RPL37: variants seen among roughly 807,000 people sequenced by gnomAD.
The protein encoded by RPL37 is large ribosomal subunit protein eL37.
Under a neutral mutation model 14.8 loss-of-function variants are expected in RPL37, and 1 was observed. That is an observed-to-expected ratio of 0.07 (90% CI 0.02 to 0.32). The LOEUF is 0.32. Among genes scored for constraint, RPL37 ranks in the 10% least tolerant of loss-of-function variants. RPL37 has a pLI of 1.00. For missense variants in RPL37, 100 were observed against 128.3 expected (o/e 0.78, Z 1.06); for synonymous variants, 53 against 45.8 (o/e 1.16, Z -0.63).
rs150453721 is a variant in RPL37, at chr5:40,834,622, A to G, written c.4-16T>C. The G allele has an allele frequency of 2.5e-6, 4 of 1,594,450 alleles. No homozygotes were observed. The African/African-American group carries it at 5.4e-5, about 22-fold the overall frequency. On this transcript the variant is annotated splice_polypyrimidine_tract_variant and intron_variant, in intron 1 of 3. Coordinates refer to ENST00000274242, the MANE Select transcript of RPL37 (RefSeq NM_000997.5). ...TTCCCTTCGTCTGCACATTAAAGGA[A>G]TAAATAGTTCTGAAACCTGGCAACT...
At chr5:40,834,945 A>ACT in intron 1 of RPL37, 2 of 633,818 alleles carry the variant, frequency 3.2e-6, no homozygotes, top group Middle Eastern at 2.7e-4. Flanking sequence ...AAAGGTCTCC[A>ACT]AAGGTTGGAC....
In RPL37 at chr5:40,830,309, AG is replaced by A. The variant is rs1373340702; in HGVS notation, c.*2194del. 1.3e-5 allele frequency: 2 copies of A among 152,204 alleles called. No individual in the cohort carries two copies. The highest frequency in any genetic ancestry group is 2.9e-5 in the Non-Finnish European group (2 of 68,044). 9.4% of individuals were successfully genotyped at this position (152,204 alleles called of 1,614,324 possible). A position where few individuals can be genotyped will look rare whatever the true frequency, so the allele number is the denominator to read the frequency against. On this transcript the variant is annotated 3_prime_UTR_variant, in exon 4 of 4. Coordinates refer to ENST00000274242, the MANE Select transcript of RPL37 (RefSeq NM_000997.5). ...GCAGGACTGAAGTGCTGTTAAAGAT[AG>A]AAATATAGACAATAGGTGGGGTGTG...
At chr5:40,834,444 A>C in intron 2 of RPL37, 27 bp downstream of exon 2, 1 of 1,606,642 alleles carries the variant, frequency 6.2e-7, no homozygotes, top group Non-Finnish European at 8.5e-7. Flanking sequence ...AAAAGCTAAC[A>C]CAGTTGGCCT....
rs180910020 is a variant in RPL37, at chr5:40,832,770, C to T, written c.225-197G>A. ...CACTTTGCTTAAAGATACCCATTTT[C>T]GGATATAGTTAACTGCAACTGCAAT... On this transcript the variant is annotated intron_variant, in intron 3 of 3. Coordinates refer to ENST00000274242, the MANE Select transcript of RPL37 (RefSeq NM_000997.5). The T allele has an allele frequency of 4.3e-4, 301 of 697,446 alleles. 1 individual carries two copies. Among genetic ancestry groups the T allele is most frequent in the African/African-American group, 2.3e-3 (134 of 57,198 alleles). 43.2% of individuals were successfully genotyped at this position (697,446 alleles called of 1,614,324 possible).
chr5:40,832,078 C>T lies in RPL37; in HGVS notation c.*426G>A. On this transcript the variant is annotated 3_prime_UTR_variant, in exon 4 of 4. Coordinates refer to ENST00000274242, the MANE Select transcript of RPL37 (RefSeq NM_000997.5). ...TCCTACCCATACGTTTCCAGTGGTA[C>T]TCCCAAGCTCTATGTGACTAATAAT... 1 of 178,820 alleles carries T rather than the reference C, an allele frequency of 5.6e-6. No individual in the cohort carries two copies. Among genetic ancestry groups the T allele is most frequent in the Non-Finnish European group, 1.2e-5 (1 of 81,486 alleles). 11.1% of individuals were successfully genotyped at this position (178,820 alleles called of 1,614,324 possible).
chr5:40,828,882 C>G lies in RPL37; in HGVS notation c.*3622G>C, dbSNP rs1032914828. 1 of 152,192 alleles carries G rather than the reference C, an allele frequency of 6.6e-6. No homozygotes were observed. Among genetic ancestry groups the G allele is most frequent in the African/African-American group, 2.4e-5 (1 of 41,448 alleles). 9.4% of individuals were successfully genotyped at this position (152,192 alleles called of 1,614,324 possible). The stretch of plus-strand genomic sequence containing the variant: ...GGTGCACCATACATAAATATGTCAA[C>G]AAATGAACTTCTCCCTCTCTCCACT... On this transcript the variant is annotated 3_prime_UTR_variant, in exon 4 of 4. Transcript: ENST00000274242.
Position 40,828,457 on chromosome 5 carries a change from G to A in RPL37, c.*4047C>T, listed in dbSNP as rs560545540. On this transcript the variant is annotated 3_prime_UTR_variant, in exon 4 of 4. Transcript: ENST00000274242. Reference sequence around the variant, plus strand: ...CTAAATAGATACTTGCTTCATGAATGAAGGGCACCATTTAGTCAATAAAAG... The same window carrying A: ...CTAAATAGATACTTGCTTCATGAATAAAGGGCACCATTTAGTCAATAAAAG... The A allele has an allele frequency of 2.0e-5, 3 of 152,224 alleles. No homozygotes were observed. The East Asian group carries it at 5.8e-4, about 29-fold the overall frequency. The allele number at this position is 152,224 out of a possible 1,614,324, so 9.4% of individuals were successfully genotyped here.
At position 40,826,477 on chromosome 5, in the gene RPL37, GT is replaced by G. The variant is rs1745520205; in HGVS notation, c.*6026del. On this transcript the variant is annotated 3_prime_UTR_variant, in exon 4 of 4. Transcript: ENST00000274242. Reference sequence around the variant, plus strand: ...AATGAAGAAATTTCTTTGGAGAATTGTTAAGTGCTCAATTCAGCCTTCTTGG... The same window carrying G: ...AATGAAGAAATTTCTTTGGAGAATTGTAAGTGCTCAATTCAGCCTTCTTGG... 6.6e-6 allele frequency: 1 copy of G among 152,302 alleles called. No homozygotes were observed. The highest frequency in any genetic ancestry group is 2.4e-5 in the African/African-American group (1 of 41,570). 9.4% of individuals were successfully genotyped at this position (152,302 alleles called of 1,614,324 possible).
In RPL37 at chr5:40,830,794, T is replaced by G. The variant is rs1404396322; in HGVS notation, c.*1710A>C. 1 of 151,248 alleles carries G rather than the reference T, an allele frequency of 6.6e-6. No individual in the cohort carries two copies. Among genetic ancestry groups the G allele is most frequent in the African/African-American group, 2.4e-5 (1 of 41,188 alleles). The allele number at this position is 151,248 out of a possible 1,614,324, so 9.4% of individuals were successfully genotyped here. A position where few individuals can be genotyped will look rare whatever the true frequency, so the allele number is the denominator to read the frequency against. On this transcript the variant is annotated 3_prime_UTR_variant, in exon 4 of 4. Transcript: ENST00000274242. ...ACAGCCGTGAGCCACCACACCGGCC[T>G]CAAGGGTTGTTTATATGGGGGTCAG...
In RPL37 at chr5:40,831,476, T is replaced by C. The variant is rs980689949; in HGVS notation, c.*1028A>G. 4.6e-5 allele frequency: 7 copies of C among 152,308 alleles called. No individual in the cohort carries two copies. Among genetic ancestry groups the C allele is most frequent in the African/African-American group, 1.7e-4 (7 of 41,428 alleles). The allele number at this position is 152,308 out of a possible 1,614,324, so 9.4% of individuals were successfully genotyped here. On this transcript the variant is annotated 3_prime_UTR_variant, in exon 4 of 4. Transcript: ENST00000274242. ...TTATAAAGCCATTCCAGGTTACAAG[T>C]AAAAGTGATACCCTTCCAAGGCCAG... is the stretch of plus-strand genomic sequence containing the variant.
rs1419063339 is a variant in RPL37, at chr5:40,832,146, A to G, written c.*358T>C. 3 of 249,710 alleles carry G rather than the reference A, an allele frequency of 1.2e-5. No homozygotes were observed. Among genetic ancestry groups the G allele is most frequent in the African/African-American group, 2.2e-5 (1 of 45,780 alleles). 15.5% of individuals were successfully genotyped at this position (249,710 alleles called of 1,614,324 possible). A position where few individuals can be genotyped will look rare whatever the true frequency, so the allele number is the denominator to read the frequency against. On this transcript the variant is annotated 3_prime_UTR_variant, in exon 4 of 4. Transcript: ENST00000274242. ...CAGCATAGCAGATGAACATGTTGCT[A>G]AAGGTAATTTAAACATCATACTCTT...
rs574855430 is a variant in RPL37, at chr5:40,833,275, T to C, written c.225-702A>G. ...GGTAGAGGCTAGGGATTCTGCAAAA[T>C]ATTCAATTTTGCACTGGACAATCCC... On this transcript the variant is annotated intron_variant, in intron 3 of 3. Transcript: ENST00000274242. Among the ~76,000 whole-genome samples the C allele has an allele frequency of 4.6e-5, 7 of 152,300 alleles. No individual in the cohort carries two copies. The South Asian group carries it at 1.4e-3, about 32-fold the overall frequency.
rs1176785241 is a variant in RPL37 at position 40,826,980 on chromosome 5, G to C, written c.*5524C>G. ...TTTTAATGGAGAAGAGGTTTCACCA[G>C]GTTGCCCAGGCTGGTCTCAAACTCT... is the stretch of plus-strand genomic sequence containing the variant. On this transcript the variant is annotated 3_prime_UTR_variant, in exon 4 of 4. Transcript: ENST00000274242. 1.3e-5 allele frequency: 2 copies of C among 152,156 alleles called. No homozygotes were observed. The highest frequency in any genetic ancestry group is 3.9e-4 in the East Asian group (2 of 5,194). 9.4% of individuals were successfully genotyped at this position (152,156 alleles called of 1,614,324 possible). A position where few individuals can be genotyped will look rare whatever the true frequency, so the allele number is the denominator to read the frequency against.
rs2112151991 is a variant in RPL37, at chr5:40,829,242, A to AT, written c.*3261dup. On this transcript the variant is annotated 3_prime_UTR_variant, in exon 4 of 4. Coordinates refer to ENST00000274242, the MANE Select transcript of RPL37 (RefSeq NM_000997.5). Reference sequence around the variant, plus strand: ...GTCTGTCATGATTTTCACATGAACTATTTAAGAACCTGTTACCTAGTTTCC... The same window carrying AT: ...GTCTGTCATGATTTTCACATGAACTATTTTAAGAACCTGTTACCTAGTTTCC... 1 of 152,356 alleles carries AT rather than the reference A, an allele frequency of 6.6e-6. No homozygotes were observed. The highest frequency in any genetic ancestry group is 2.4e-5 in the African/African-American group (1 of 41,592). 9.4% of individuals were successfully genotyped at this position (152,356 alleles called of 1,614,324 possible). A position where few individuals can be genotyped will look rare whatever the true frequency, so the allele number is the denominator to read the frequency against.
chr5:40,834,082 C>A lies in RPL37; in HGVS notation c.224+99G>T, dbSNP rs142739749. 60 of 849,020 alleles carry A rather than the reference C, an allele frequency of 7.1e-5. No homozygotes were observed. In the East Asian group the frequency reaches 1.4e-3, roughly 20 times the overall value. The allele number at this position is 849,020 out of a possible 1,614,324, so 52.6% of individuals were successfully genotyped here. Reference sequence around the variant, plus strand: ...AAATAAAAAGCTTCCAACATCTCATCCCCAGTAACCATCAGGGTACTGTTA... The same window carrying A: ...AAATAAAAAGCTTCCAACATCTCATACCCAGTAACCATCAGGGTACTGTTA... On this transcript the variant is annotated intron_variant, in intron 3 of 3. Transcript: ENST00000274242.
rs1459757705 is a variant in RPL37 at position 40,834,461 on chromosome 5, TGTTA to T, written c.139+6_139+9del. The T allele has an allele frequency of 5.6e-6, 9 of 1,609,848 alleles. No homozygotes were observed. The highest frequency in any genetic ancestry group is 7.6e-6 in the Non-Finnish European group (9 of 1,178,950). ...AAGCTAACACAGTTGGCCTGAAAAA[TGTTA>T]CTTACACTTTCTCTTGCGCTTGGCA... On this transcript the variant is annotated splice_donor_region_variant and intron_variant, in intron 2 of 3. Transcript: ENST00000274242.
chr5:40,833,361 G>GTT (rs1405391622), intron 3 of RPL37, among the ~76,000 whole-genome samples: 1 of 152,332 alleles, frequency 6.6e-6, no homozygotes, highest in East Asian at 1.9e-4. Context: ...ATAGAACATA[G>GTT]TAACGGAAGG....
intron 1 of RPL37, 165 bp downstream of exon 1, chr5:40,835,018 C>G (rs936594033): frequency 3.4e-6 from 3 of 871,268 alleles, no homozygotes; most frequent in African/African-American, 3.3e-5. Flanking sequence ...CCCCCAGGCA[C>G]CAGTTAGCAG....
At chr5:40,833,515 T>G (rs1745687077) in intron 3 of RPL37, among the ~76,000 whole-genome samples, 1 of 152,204 alleles carries the variant, frequency 6.6e-6, no homozygotes, top group South Asian at 2.1e-4. Context: ...TTTATAACTC[T>G]AAGGCCAAGA....
Sources: allele counts gnomAD v4.1 joint callset (sites outside exome capture counted in the v4.1 genomes callset), GRCh38; gene constraint gnomAD v4.1.1; transcripts MANE v1.5; gene names NCBI Gene and HGNC (gene_info 2026-07-23, HGNC 2026-07-21).